SEMA3E: variants seen among roughly 807,000 people sequenced by gnomAD.
SEMA3E encodes the protein semaphorin-3E.
SEMA3E carries 49 observed loss-of-function variants against 93.6 expected under a neutral mutation model. That is an observed-to-expected ratio of 0.52 (90% CI 0.42 to 0.66). The LOEUF is 0.66. Ranked by LOEUF, SEMA3E falls within the 30% of genes least tolerant of loss-of-function variation. SEMA3E has a pLI of 0.00. For synonymous variants in SEMA3E, 363 were observed against 330.7 expected, an observed-to-expected ratio of 1.10 and a Z score of -1.06; for missense variants, 906 against 964.8, an observed-to-expected ratio of 0.94 and a Z score of 0.81.
chr7:83,569,835 A>G, intron 1 of SEMA3E, among the ~76,000 whole-genome samples: 1 of 152,174 alleles, frequency 6.6e-6, no homozygotes, highest in South Asian at 2.1e-4. Flanking sequence ...ACTAACAAAG[A>G]CATTCTGGAC....
intron 1 of SEMA3E, among the ~76,000 whole-genome samples, chr7:83,550,711 T>C (rs1343479934): frequency 6.6e-6 from 1 of 152,050 alleles, no homozygotes; most frequent in Non-Finnish European, 1.5e-5. Context: ...CATCAGAAAA[T>C]TCATTTCTAT....
chr7:83,492,230 C>T (rs1352583505), intron 1 of SEMA3E, among the ~76,000 whole-genome samples: 1 of 151,858 alleles, frequency 6.6e-6, no homozygotes. Context: ...AAGAGAAAGT[C>T]ATGAAAGGAT....
chr7:83,501,108 A>C (rs560312257), intron 1 of SEMA3E, among the ~76,000 whole-genome samples: 1 of 152,286 alleles, frequency 6.6e-6, no homozygotes, highest in East Asian at 1.9e-4. Context: ...TATTTTATAC[A>C]TTTACATCAT....
intron 1 of SEMA3E, among the ~76,000 whole-genome samples, chr7:83,616,384 A>C (rs1369732976): frequency 2.0e-5 from 3 of 152,192 alleles, no homozygotes; most frequent in Non-Finnish European, 2.9e-5. Flanking sequence ...AGAAATGCCA[A>C]ACATCTTAGA....
chr7:83,494,104 A>G (rs536091077), intron 1 of SEMA3E, among the ~76,000 whole-genome samples: 2 of 152,030 alleles, frequency 1.3e-5, no homozygotes, highest in East Asian at 3.9e-4. Flanking sequence ...ATACAAATAT[A>G]TCCGATCAAA....
chr7:83,648,860 C>T lies in SEMA3E; in HGVS notation c.-318G>A. The T allele has an allele frequency of 4.5e-6, 1 of 222,934 alleles. No individual in the cohort carries two copies. The highest frequency in any genetic ancestry group is 5.7e-5 in the Admixed American group (1 of 17,414). 13.8% of individuals were successfully genotyped at this position (222,934 alleles called of 1,614,324 possible). ...AGGAAGAAGCTGTATTTTTCAGTCACTTGGGCAAAGCTGTTCATTCAGAAA... is the reference window on the plus strand; with the variant it reads ...AGGAAGAAGCTGTATTTTTCAGTCATTTGGGCAAAGCTGTTCATTCAGAAA... On this transcript the variant is annotated 5_prime_UTR_variant, in exon 1 of 17. It adds an upstream start codon to the 5' untranslated region. Transcript: ENST00000643230.
At chr7:83,522,519 G>A (rs1791070838) in intron 1 of SEMA3E, among the ~76,000 whole-genome samples, 2 of 152,006 alleles carry the variant, frequency 1.3e-5, no homozygotes, top group African/African-American at 4.8e-5. Flanking sequence ...TTTTGCCTGA[G>A]ATTGCATCCT....
In SEMA3E at chr7:83,490,121, T is replaced by C. The variant is rs372225557; in HGVS notation, c.269A>G (p.Tyr90Cys). Reference protein sequence around the residue: ...SLSLERISDGYKEIHWPSTAL... With the variant: ...SLSLERISDGCKEIHWPSTAL... Reference sequence around the variant, plus strand: ...AGTTTGATATTTCTATACCTCTTTATAGCCGTCACTGATTCTCTCCAAGCT... The same window carrying C: ...AGTTTGATATTTCTATACCTCTTTACAGCCGTCACTGATTCTCTCCAAGCT... The change falls in exon 2 of 17, where the codon TAT (tyrosine) becomes TGT (cysteine). Residue 90 changes from tyrosine to cysteine, a missense_variant. Transcript: ENST00000643230. 1.2e-6 allele frequency: 2 copies of C among 1,612,654 alleles called. No homozygotes were observed. Among genetic ancestry groups the C allele is most frequent in the African/African-American group, 1.3e-5 (1 of 74,856 alleles).
intron 4 of SEMA3E, among the ~76,000 whole-genome samples, chr7:83,426,701 C>G (rs1301463957): frequency 6.6e-6 from 1 of 152,076 alleles, no homozygotes; most frequent in African/African-American, 2.4e-5. Flanking sequence ...CATACAAAAA[C>G]GTTGTTGCAG....
intron 6 of SEMA3E, 72 bp from the exon 7 acceptor site, chr7:83,407,311 A>C: frequency 1.6e-6 from 2 of 1,265,838 alleles, no homozygotes; most frequent in Non-Finnish European, 2.3e-6. Flanking sequence ...TATTCCAATA[A>C]ATTGTATATC....
At chr7:83,462,677 A>G (rs1344258171) in intron 4 of SEMA3E, among the ~76,000 whole-genome samples, 2 of 151,496 alleles carry the variant, frequency 1.3e-5, no homozygotes, top group Non-Finnish European at 2.9e-5. Flanking sequence ...CGCTTTAAAA[A>G]GATTAAAGCC....
chr7:83,530,749 A>C (rs1005229687), intron 1 of SEMA3E, among the ~76,000 whole-genome samples: 98 of 152,098 alleles, frequency 6.4e-4, no homozygotes, highest in African/African-American at 2.3e-3. Context: ...GTGGTGGTGC[A>C]TGCCTGTAAT....
intron 1 of SEMA3E, among the ~76,000 whole-genome samples, chr7:83,617,313 G>A (rs1390166654): frequency 1.3e-5 from 2 of 150,524 alleles, no homozygotes; most frequent in African/African-American, 4.9e-5. Context: ...CTAAGGTTAA[G>A]TATAAAGGGG....
chr7:83,564,938 T>G (rs1045316619), intron 1 of SEMA3E, among the ~76,000 whole-genome samples: 2 of 151,862 alleles, frequency 1.3e-5, no homozygotes, highest in Non-Finnish European at 2.9e-5. Flanking sequence ...ACAAAATAGG[T>G]AGACCACTAG....
intron 5 of SEMA3E, among the ~76,000 whole-genome samples, chr7:83,416,963 C>CT (rs1035192184): frequency 5.5e-5 from 8 of 146,256 alleles, no homozygotes; most frequent in Admixed American, 4.9e-4. Flanking sequence ...TAAAGTCTTC[C>CT]TTTTTTTAAT....
chr7:83,489,193 G>C (rs1584284177), intron 2 of SEMA3E, among the ~76,000 whole-genome samples: 1 of 152,006 alleles, frequency 6.6e-6, no homozygotes, highest in African/African-American at 2.4e-5. Flanking sequence ...CTGTGGTATT[G>C]CAAAAGAAGG....
chr7:83,533,803 T>C (rs1791353957), intron 1 of SEMA3E, among the ~76,000 whole-genome samples: 2 of 152,044 alleles, frequency 1.3e-5, no homozygotes, highest in East Asian at 1.9e-4. Context: ...AGTAGAAAGA[T>C]ATTTGGAATT....
chr7:83,582,913 G>A (rs1331949597), intron 1 of SEMA3E, among the ~76,000 whole-genome samples: 3 of 151,966 alleles, frequency 2.0e-5, no homozygotes, highest in South Asian at 4.1e-4. Flanking sequence ...TTGTGTATAT[G>A]TATGTATATA....
At chr7:83,634,941 T>C (rs1793853695) in intron 1 of SEMA3E, among the ~76,000 whole-genome samples, 1 of 152,138 alleles carries the variant, frequency 6.6e-6, no homozygotes, top group Non-Finnish European at 1.5e-5. Context: ...AAAAAAGTTC[T>C]TTCTCTTTAT....
Sources: gnomAD v4.1 joint callset for allele counts (sites outside exome capture counted in the v4.1 genomes callset) on GRCh38, gnomAD v4.1.1 for gene constraint, MANE v1.5 for transcripts, NCBI Gene and HGNC (gene_info 2026-07-23, HGNC 2026-07-21) for gene names.